The following ADGRG6 variants were observed in gnomAD, a reference collection of about 807,000 sequenced individuals.
ADGRG6 encodes the protein G-protein coupled receptor 126.
Under a neutral mutation model 142.4 loss-of-function variants are expected in ADGRG6, and 84 were observed. The observed-to-expected ratio is 0.59, with a 90% CI of 0.49 to 0.71. The LOEUF (loss-of-function observed/expected upper bound fraction) is 0.71, where lower values mean the gene tolerates loss of function less well. Ranked by LOEUF, ADGRG6 falls within the 30% of genes least tolerant of loss-of-function variation. ADGRG6 has a pLI of 0.00. For missense variants in ADGRG6, 1,367 were observed against 1,466.6 expected, an observed-to-expected ratio of 0.93 and a Z score of 1.11; for synonymous variants, 521 against 520.5, an observed-to-expected ratio of 1.00 and a Z score of -0.01.
At chr6:142,314,971 A>AGTGTGTGTGTGTGTGTGT (rs58848776) in intron 2 of ADGRG6, among the ~76,000 whole-genome samples, 270 of 145,082 alleles carry the variant, frequency 1.9e-3, no homozygotes, top group Admixed American at 4.7e-3. Context: ...CCAATCATGG[A>AGTGTGTGTGTGTGTGTGT]GTGTGTGTGT....
In ADGRG6 at chr6:142,370,242, A is replaced by G; in HGVS notation, c.518A>G (p.Lys173Arg). Residue 173 changes from lysine to arginine, a missense_variant, in exon 4 of 25, where the codon AAA becomes AGA. Coordinates refer to ENST00000367609, the MANE Select transcript of ADGRG6 (RefSeq NM_198569.3). ...GATGCTTACCAGGTATCTGTTGCAA[A>G]AAGCATCTCTATTCCAGAGCTCAGT... ...TSDAYQVSVA[K>R]SISIPELSAF... The G allele has an allele frequency of 6.2e-7, 1 of 1,612,268 alleles. No homozygotes were observed. The highest frequency in any genetic ancestry group is 8.5e-7 in the Non-Finnish European group (1 of 1,178,454).
chr6:142,356,035 A>G (rs1009674994), intron 2 of ADGRG6, among the ~76,000 whole-genome samples: 3 of 152,214 alleles, frequency 2.0e-5, no homozygotes, highest in African/African-American at 7.2e-5. Context: ...CAGAGGCTCT[A>G]TGAGGTTAAT....
At chr6:142,367,408 T>G (rs1017905144) in intron 2 of ADGRG6, among the ~76,000 whole-genome samples, 161 bp from the exon 3 acceptor site, 1 of 152,242 alleles carries the variant, frequency 6.6e-6, no homozygotes, top group African/African-American at 2.4e-5. Context: ...ATAATTCTTT[T>G]TCTCCTCAAG....
Position 142,302,337 on chromosome 6 carries a change from T to A in ADGRG6, c.2+6T>A. ...CGGCGCAGTAATGTCAACATGTAAG[T>A]CTCACCTTTCAGCTTGGAATTCCTT... On this transcript the variant is annotated splice_donor_region_variant and intron_variant, in intron 1 of 24. Transcript: ENST00000367609. The A allele has an allele frequency of 1.2e-6, 2 of 1,612,666 alleles. No homozygotes were observed. The highest frequency in any genetic ancestry group is 1.7e-6 in the Non-Finnish European group (2 of 1,179,280).
chr6:142,429,672 G>A (rs1165481349), intron 22 of ADGRG6, among the ~76,000 whole-genome samples: 1 of 152,106 alleles, frequency 6.6e-6, no homozygotes, highest in South Asian at 2.1e-4. Flanking sequence ...GACTAATTTG[G>A]TCAAAAATCA....
chr6:142,306,325 AG>A (rs1777493771), intron 1 of ADGRG6, among the ~76,000 whole-genome samples: 1 of 152,194 alleles, frequency 6.6e-6, no homozygotes, highest in Non-Finnish European at 1.5e-5. Flanking sequence ...ATTCTGTAGA[AG>A]GGTTACATTC....
intron 2 of ADGRG6, among the ~76,000 whole-genome samples, chr6:142,366,592 T>C (rs1259258118): frequency 1.3e-5 from 2 of 152,222 alleles, no homozygotes; most frequent in Non-Finnish European, 2.9e-5. Flanking sequence ...CACTGAAGTA[T>C]AAGAATTCTT....
intron 7 of ADGRG6, among the ~76,000 whole-genome samples, chr6:142,391,384 C>T (rs920536429): frequency 6.9e-5 from 10 of 145,044 alleles, no homozygotes; most frequent in East Asian, 4.1e-4. Flanking sequence ...GTTTGATAAA[C>T]GTGTCTTTGG....
intron 22 of ADGRG6, among the ~76,000 whole-genome samples, chr6:142,421,240 C>T (rs574827645): frequency 6.6e-6 from 1 of 152,192 alleles, no homozygotes; most frequent in African/African-American, 2.4e-5. Flanking sequence ...TAATGGATTG[C>T]TAGATGGAGA....
At chr6:142,319,052 A>C (rs1187186202) in intron 2 of ADGRG6, among the ~76,000 whole-genome samples, 1 of 152,094 alleles carries the variant, frequency 6.6e-6, no homozygotes, top group Non-Finnish European at 1.5e-5. Flanking sequence ...TCAATGAAAA[A>C]ATTGTTTTTT....
intron 2 of ADGRG6, among the ~76,000 whole-genome samples, chr6:142,338,027 T>TTTTTTTTTTTTTTTTTTTTTTG (rs892007926): frequency 8.6e-5 from 5 of 58,016 alleles, no homozygotes; most frequent in Non-Finnish European, 1.4e-4. Context: ...GTTTTTTTTT[T>TTTTTTTTTTTTTTTTTTTTTTG]TTTTTTTTTT....
chr6:142,366,179 T>C (rs1213157092), intron 2 of ADGRG6, among the ~76,000 whole-genome samples: 2 of 152,202 alleles, frequency 1.3e-5, no homozygotes, highest in Non-Finnish European at 2.9e-5. Flanking sequence ...CTAACTGTTC[T>C]CATTAGTGAA....
chr6:142,442,281 T>C (rs1249594871), intron 24 of ADGRG6, among the ~76,000 whole-genome samples: 4 of 152,188 alleles, frequency 2.6e-5, no homozygotes, highest in Non-Finnish European at 5.9e-5. Context: ...AAAGTTCATA[T>C]CTTCTTTATC....
chr6:142,438,105 A>G, intron 23 of ADGRG6, 107 bp from the exon 24 acceptor site: 1 of 642,100 alleles, frequency 1.6e-6, no homozygotes, highest in East Asian at 2.8e-5. Context: ...TTGCCAGCAT[A>G]TCAGAAAATC....
Position 142,370,773 on chromosome 6 carries a change from C to A in ADGRG6, c.1049C>A (p.Ala350Asp). The A allele has an allele frequency of 6.2e-7, 1 of 1,613,048 alleles. No homozygotes were observed. The highest frequency in any genetic ancestry group is 8.5e-7 in the Non-Finnish European group (1 of 1,179,662). Reference protein sequence around the residue: ...FWNIPNLALKAESNLSCGSYL... With the variant: ...FWNIPNLALKDESNLSCGSYL... ...AATATCCCAAACCTAGCTCTGAAAG[C>A]TGAAAGCAACCTAAGCTGTGGTGAG... Residue 350 changes from alanine (A) to aspartate (D), a missense_variant, in exon 4 of 25, where the codon GCT becomes GAT. Around this residue, in one of 3 missense-constraint regions of ADGRG6, gnomAD observed 737 missense variants for 746.5 expected, o/e 0.99. Coordinates refer to ENST00000367609, the MANE Select transcript of ADGRG6 (RefSeq NM_198569.3).
At chr6:142,376,279 A>G (rs1056176851) in intron 4 of ADGRG6, among the ~76,000 whole-genome samples, 1 of 152,164 alleles carries the variant, frequency 6.6e-6, no homozygotes, top group African/African-American at 2.4e-5. Flanking sequence ...TACTAGTTTT[A>G]TTTATTTTAC....
rs1467915286 is a variant in ADGRG6 at position 142,370,539 on chromosome 6, A to G, written c.815A>G (p.Tyr272Cys). The G allele has an allele frequency of 5.0e-6, 8 of 1,613,670 alleles. No homozygotes were observed. Among genetic ancestry groups the G allele is most frequent in the African/African-American group, 2.7e-5 (2 of 75,046 alleles). The change falls in exon 4 of 25, where the codon TAT becomes TGT. Residue 272 changes from tyrosine (Y) to cysteine (C), a missense_variant. Coordinates refer to ENST00000367609, the MANE Select transcript of ADGRG6 (RefSeq NM_198569.3). ...ATTGGTGTAAATTTCAAAAGAAACT[A>G]TGAAACAGTTCCATGTGATTCTACC... ...GSIGVNFKRNYETVPCDSTIS... is the reference protein window; with the variant it reads ...GSIGVNFKRNCETVPCDSTIS...
intron 14 of ADGRG6, chr6:142,405,163 A>C: frequency 2.9e-6 from 1 of 342,176 alleles, no homozygotes; most frequent in South Asian, 2.4e-5. Context: ...TAAGAGTAAA[A>C]CTCAGTCAAC....
intron 3 of ADGRG6, among the ~76,000 whole-genome samples, chr6:142,368,792 A>C (rs1781073693): frequency 6.6e-6 from 1 of 152,172 alleles, no homozygotes; most frequent in Non-Finnish European, 1.5e-5. Context: ...TAAATTTTTC[A>C]AAATAATGTT....
Sources: gnomAD v4.1 joint callset for allele counts (sites outside exome capture counted in the v4.1 genomes callset) on GRCh38, gnomAD v4.1.1 for gene constraint, gnomAD v4.1.1 regional missense constraint, MANE v1.5 for transcripts, NCBI Gene and HGNC (gene_info 2026-07-23, HGNC 2026-07-21) for gene names.